GRAMD1B: variants seen among roughly 807,000 people sequenced by gnomAD.
GRAMD1B encodes the protein GRAM domain containing 1B, also known as protein Aster-B.
Under a neutral mutation model 99.7 loss-of-function variants are expected in GRAMD1B, and 37 were observed. That is an observed-to-expected ratio of 0.37 (90% confidence interval 0.29 to 0.49). The LOEUF (loss-of-function observed/expected upper bound fraction) is 0.49, where lower values mean the gene tolerates loss of function less well. GRAMD1B is among the 20% of genes least tolerant of loss of function. GRAMD1B has a pLI of 0.98. For synonymous variants in GRAMD1B, 427 were observed against 387.6 expected (o/e 1.10, Z -1.19); for missense variants, 888 against 1,009.2 (o/e 0.88, Z 1.63).
intron 4 of GRAMD1B, among the ~76,000 whole-genome samples, chr11:123,589,732 G>C (rs1035104021): frequency 6.6e-6 from 1 of 151,730 alleles, no homozygotes; most frequent in East Asian, 1.9e-4. Context: ...AAAGTGCTGG[G>C]ATTACAAGCA....
chr11:123,592,636 A>G (rs1950795234), intron 4 of GRAMD1B, among the ~76,000 whole-genome samples: 1 of 152,156 alleles, frequency 6.6e-6, no homozygotes, highest in South Asian at 2.1e-4. Context: ...TTGATTCCAT[A>G]TCTCAGTGCC....
chr11:123,491,837 C>T (rs891246156), intron 2 of GRAMD1B: 11 of 399,190 alleles, frequency 2.8e-5, no homozygotes, highest in African/African-American at 2.3e-4. Context: ...GCCAGCCCTC[C>T]CCTGAGCCCA....
At chr11:123,393,937 C>T (rs1436537983) in intron 1 of GRAMD1B, among the ~76,000 whole-genome samples, 1 of 152,216 alleles carries the variant, frequency 6.6e-6, no homozygotes, top group East Asian at 1.9e-4. Flanking sequence ...CATCTCTCTT[C>T]AATTTCATTC....
chr11:123,479,089 A>G (rs903207012), intron 1 of GRAMD1B, among the ~76,000 whole-genome samples: 1 of 152,228 alleles, frequency 6.6e-6, no homozygotes, highest in South Asian at 2.1e-4. Flanking sequence ...CAGCCACTGC[A>G]TAGTGAACGA....
chr11:123,498,886 A>G (rs1939577213), intron 2 of GRAMD1B, among the ~76,000 whole-genome samples: 3 of 152,240 alleles, frequency 2.0e-5, no homozygotes, highest in African/African-American at 4.8e-5. Context: ...GTCTTGGACC[A>G]TGCTTTGAGA....
At chr11:123,381,242 G>A (rs1946862858) in intron 1 of GRAMD1B, among the ~76,000 whole-genome samples, 1 of 152,174 alleles carries the variant, frequency 6.6e-6, no homozygotes, top group African/African-American at 2.4e-5. Context: ...TGGTGACGAT[G>A]GCCCTGAGAG....
intron 1 of GRAMD1B, among the ~76,000 whole-genome samples, chr11:123,438,363 C>T (rs1283285224): frequency 6.6e-6 from 1 of 152,066 alleles, no homozygotes; most frequent in African/African-American, 2.4e-5. Flanking sequence ...AAGCAGTCAG[C>T]CCTCCCCTGC....
chr11:123,367,176 C>T (rs1013774614), intron 1 of GRAMD1B, among the ~76,000 whole-genome samples: 11 of 152,122 alleles, frequency 7.2e-5, no homozygotes, highest in Admixed American at 3.9e-4. Context: ...GTGCTCTAGC[C>T]TGGGCAACAG....
intron 7 of GRAMD1B, chr11:123,598,247 T>G (rs1338821471): frequency 1.4e-6 from 2 of 1,400,176 alleles, no homozygotes; most frequent in African/African-American, 2.8e-5. Flanking sequence ...TAGTTGATAT[T>G]TAGGCCATGA....
chr11:123,568,767 G>A (rs980455263), intron 2 of GRAMD1B, among the ~76,000 whole-genome samples: 1 of 151,630 alleles, frequency 6.6e-6, no homozygotes, highest in Non-Finnish European at 1.5e-5. Flanking sequence ...ATGCTGTAGG[G>A]AAAAAAAAGC....
rs1246673276 is a variant in GRAMD1B at position 123,392,718 on chromosome 11, T to C, written c.-176+33919T>C. Among the ~76,000 whole-genome samples, 3 of 152,170 alleles carry C rather than the reference T, an allele frequency of 2.0e-5. No homozygotes were observed. In the East Asian group the frequency reaches 5.8e-4, roughly 29 times the overall value. ...CTGTTGAATGAATTTATGAATCCAA[T>C]AAAAGAAAGGCAGGATTTATTCCTT... On this transcript the variant is annotated intron_variant, in intron 1 of 20. Transcript: ENST00000638157.
At chr11:123,551,472 G>A (rs185200929) in intron 2 of GRAMD1B, among the ~76,000 whole-genome samples, 4 of 152,318 alleles carry the variant, frequency 2.6e-5, no homozygotes, top group African/African-American at 9.6e-5. Flanking sequence ...TAGAGCAGGT[G>A]TCATCTCCCC....
intron 4 of GRAMD1B, among the ~76,000 whole-genome samples, chr11:123,592,579 G>C (rs990025879): frequency 6.6e-6 from 1 of 152,170 alleles, no homozygotes; most frequent in Admixed American, 6.5e-5. Flanking sequence ...TGGTCAAGCT[G>C]GGGTTTTCAG....
chr11:123,569,842 G>A (rs1176839356), intron 2 of GRAMD1B, among the ~76,000 whole-genome samples: 1 of 152,220 alleles, frequency 6.6e-6, no homozygotes, highest in Non-Finnish European at 1.5e-5. Context: ...TGCTACAAAT[G>A]GCAAGGACAG....
intron 2 of GRAMD1B, among the ~76,000 whole-genome samples, chr11:123,483,630 G>A (rs943050512): frequency 2.6e-5 from 4 of 151,998 alleles, no homozygotes; most frequent in Admixed American, 6.6e-5. Context: ...CAAGTGACCC[G>A]CCTGCTTCAG....
intron 7 of GRAMD1B, chr11:123,598,450 C>A (rs368161132): frequency 2.0e-6 from 2 of 991,600 alleles, no homozygotes; most frequent in Non-Finnish European, 3.3e-6. Flanking sequence ...CGCTGTTCTC[C>A]GAGAATCTCT....
chr11:123,449,714 C>CTTTTTTTTTTTTTTTTTTTTTTTTTT lies in GRAMD1B; in HGVS notation c.374+18565_374+18566insTTTTTTTTTTTTTTTTTTTTTTTTTT, dbSNP rs767104181. 1.3e-3 allele frequency among the ~76,000 whole-genome samples: 129 copies of CTTTTTTTTTTTTTTTTTTTTTTTTTT among 99,942 alleles called. 15 individuals are homozygous for CTTTTTTTTTTTTTTTTTTTTTTTTTT. Among genetic ancestry groups the CTTTTTTTTTTTTTTTTTTTTTTTTTT allele is most frequent in the Non-Finnish European group, 1.9e-3 (90 of 48,574 alleles). 65.6% of individuals were successfully genotyped at this position (99,942 alleles called of 152,430 possible). On this transcript the variant is annotated intron_variant, in intron 1 of 19. Coordinates refer to ENST00000635736, the MANE Select transcript of GRAMD1B (RefSeq NM_001387025.1). ...TGCAGATGCATGCCACCATGCCTGG[C>CTTTTTTTTTTTTTTTTTTTTTTTTTT]TTTTTTTTTTTTTTTTTGAGACAGG...
chr11:123,588,625 C>T (rs77241484), intron 4 of GRAMD1B, among the ~76,000 whole-genome samples: 1,904 of 152,210 alleles, frequency 0.013, 28 homozygotes, highest in African/African-American at 0.033. Flanking sequence ...TTGCCTGCCA[C>T]GCTGCTCGGG....
chr11:123,615,482 G>C (rs1275064), intron 17 of GRAMD1B, among the ~76,000 whole-genome samples: 50,847 of 151,890 alleles, frequency 0.33, 9,834 homozygotes, highest in South Asian at 0.5. Context: ...GTCAGGAGAT[G>C]GACAGCATCC....
Sources: gnomAD v4.1 joint callset for allele counts (sites outside exome capture counted in the v4.1 genomes callset) on GRCh38, gnomAD v4.1.1 for gene constraint, MANE v1.5 for transcripts, NCBI Gene and HGNC (gene_info 2026-07-23, HGNC 2026-07-21) for gene names.